Variants in KIAA1671 observed in about 807,000 individuals in gnomAD.
KIAA1671 encodes the protein KIAA1671, also known as uncharacterized protein KIAA1671.
In KIAA1671, 52 loss-of-function variants were observed where a neutral mutation model predicts 131.2. That is an observed-to-expected ratio of 0.40 (90% confidence interval 0.32 to 0.50). The LOEUF is 0.50. KIAA1671 is among the 20% of genes least tolerant of loss of function. The pLI, the probability that KIAA1671 is intolerant of heterozygous loss-of-function variation, is 0.73. For missense variants in KIAA1671, 2,360 were observed against 2,364.2 expected (o/e 1.00, Z 0.04); for synonymous variants, 1,003 against 961.6 (o/e 1.04, Z -0.80).
intron 6 of KIAA1671, among the ~76,000 whole-genome samples, chr22:25,119,581 T>C (rs1931839143): frequency 6.6e-6 from 1 of 152,122 alleles, no homozygotes; most frequent in Non-Finnish European, 1.5e-5. Context: ...AGTAAACCAA[T>C]GAATGAACAA....
chr22:25,093,744 C>CTCTCTCTCTCTGTCTCTCTCTCTT (rs1930177633), intron 6 of KIAA1671, among the ~76,000 whole-genome samples: 2 of 104,962 alleles, frequency 1.9e-5, no homozygotes, highest in African/African-American at 8.2e-5. Flanking sequence ...CACACTCTCT[C>CTCTCTCTCTCTGTCTCTCTCTCTT]TCTCTCTCTC....
intron 6 of KIAA1671, among the ~76,000 whole-genome samples, chr22:25,103,368 A>G (rs5752060): frequency 0.78 from 117,744 of 151,654 alleles, 46,605 homozygotes; most frequent in African/African-American, 0.94. Flanking sequence ...GCACCACCGC[A>G]CCCGGCTAAA....
At chr22:25,114,538 C>A (rs948621281) in intron 6 of KIAA1671, among the ~76,000 whole-genome samples, 1 of 152,210 alleles carries the variant, frequency 6.6e-6, no homozygotes, top group Admixed American at 6.5e-5. Context: ...CTGGCTCTGC[C>A]GCTTCCCAGC....
At chr22:25,095,985 G>A (rs902350962) in intron 6 of KIAA1671, among the ~76,000 whole-genome samples, 1 of 152,202 alleles carries the variant, frequency 6.6e-6, no homozygotes, top group Non-Finnish European at 1.5e-5. Context: ...GGGATCAGAC[G>A]GAGAGGGAGG....
intron 1 of KIAA1671, among the ~76,000 whole-genome samples, chr22:24,974,129 A>C (rs1254278355): frequency 6.6e-6 from 1 of 152,036 alleles, no homozygotes; most frequent in Admixed American, 6.6e-5. Context: ...AGGATTTATC[A>C]GCCGGACTTG....
intron 11 of KIAA1671, among the ~76,000 whole-genome samples, chr22:25,187,391 C>T (rs976309676): frequency 3.9e-5 from 6 of 152,284 alleles, no homozygotes; most frequent in East Asian, 3.9e-4. Flanking sequence ...GCTGAGATCA[C>T]GACGTTTGCG....
At chr22:25,044,013 G>GGTGAATC (rs147837042) in intron 5 of KIAA1671, among the ~76,000 whole-genome samples, 1 of 152,018 alleles carries the variant, frequency 6.6e-6, no homozygotes, top group Admixed American at 6.5e-5. Context: ...GATACAGTCA[G>GGTGAATC]TAATGATCAT....
At chr22:25,170,694 G>C in intron 6 of KIAA1671, 126 bp from the exon 7 acceptor site, 1 of 859,848 alleles carries the variant, frequency 1.2e-6, no homozygotes, top group South Asian at 1.6e-5. Flanking sequence ...GCCCCACTTA[G>C]GAAGGCAGCG....
intron 6 of KIAA1671, among the ~76,000 whole-genome samples, chr22:25,094,531 G>A (rs1200037953): frequency 6.6e-6 from 1 of 152,116 alleles, no homozygotes; most frequent in Admixed American, 6.5e-5. Context: ...ACTTGAAGAA[G>A]GAGCAGAATG....
At chr22:25,101,753 G>A (rs1167025656) in intron 6 of KIAA1671, among the ~76,000 whole-genome samples, 1 of 152,174 alleles carries the variant, frequency 6.6e-6, no homozygotes, top group African/African-American at 2.4e-5. Context: ...AAGCCTCAGT[G>A]ATTCCTTCAT....
chr22:25,028,677 C>T lies in KIAA1671; in HGVS notation c.678C>T (p.Asp226=), dbSNP rs1195217393. The T allele has an allele frequency of 1.3e-6, 2 of 1,551,046 alleles. No homozygotes were observed. The highest frequency in any genetic ancestry group is 1.7e-6 in the Non-Finnish European group (2 of 1,147,010). The change falls in exon 3 of 13, where the codon GAC becomes GAT. Residue 226 remains aspartate, a synonymous_variant. Coordinates refer to ENST00000358431, the MANE Select transcript of KIAA1671 (RefSeq NM_001145206.2). The stretch of plus-strand genomic sequence containing the variant: ...CCTCAAAGGCCAGCAGTGTGGAGGA[C>T]ACGGCACGCCCCCTTGTGGAGCCCA... ...HPPSKASSVE[D]TARPLVEPRP... is the part of the protein sequence containing the mutation.
At position 25,113,987 on chromosome 22, in the gene KIAA1671, C is replaced by T. The variant is rs1044165704; in HGVS notation, c.4531-56833C>T. Among the ~76,000 whole-genome samples, 9 of 152,322 alleles carry T rather than the reference C, an allele frequency of 5.9e-5. No homozygotes were observed. In the South Asian group the frequency reaches 8.3e-4, roughly 14 times the overall value. ...CTGTTGGCATCCCTCTTTCCCCACC[C>T]TGGGGAGTGGTGTGACCATGGGCAT... On this transcript the variant is annotated intron_variant, in intron 6 of 12. Coordinates refer to ENST00000358431, the MANE Select transcript of KIAA1671 (RefSeq NM_001145206.2).
At chr22:24,989,879 G>C (rs1923748462) in intron 1 of KIAA1671, among the ~76,000 whole-genome samples, 1 of 152,146 alleles carries the variant, frequency 6.6e-6, no homozygotes, top group South Asian at 2.1e-4. Context: ...ACAAAAAAAG[G>C]CTGTCCTCTT....
At chr22:24,984,308 C>T (rs1923398147) in intron 1 of KIAA1671, among the ~76,000 whole-genome samples, 1 of 152,134 alleles carries the variant, frequency 6.6e-6, no homozygotes, top group Non-Finnish European at 1.5e-5. Context: ...AATGCAGGCC[C>T]AGAGAGGTTA....
intron 1 of KIAA1671, among the ~76,000 whole-genome samples, chr22:25,007,001 G>C (rs764207051): frequency 6.7e-6 from 1 of 149,698 alleles, no homozygotes; most frequent in Non-Finnish European, 1.5e-5. Context: ...GCATTATTCT[G>C]TCTACTGAAA....
chr22:25,126,185 T>C (rs1048096776), intron 6 of KIAA1671, among the ~76,000 whole-genome samples: 4 of 152,214 alleles, frequency 2.6e-5, no homozygotes, highest in Non-Finnish European at 4.4e-5. Flanking sequence ...CCTGGCTCCA[T>C]GTCCAAATAT....
At position 25,035,939 on chromosome 22, in the gene KIAA1671, C is replaced by T. The variant is rs939896798; in HGVS notation, c.1630-2821C>T. On this transcript the variant is annotated intron_variant, in intron 4 of 12. Transcript: ENST00000358431. Reference sequence around the variant, plus strand: ...ACACATAACAGGCTGGATGTGGTGGCTCATGCCTATAATCCCAGAACTTTA... The same window carrying T: ...ACACATAACAGGCTGGATGTGGTGGTTCATGCCTATAATCCCAGAACTTTA... Among the ~76,000 whole-genome samples the T allele has an allele frequency of 3.9e-4, 59 of 152,092 alleles. No homozygotes were observed. In the Middle Eastern group the frequency reaches 0.01, roughly 26 times the overall value.
intron 6 of KIAA1671, among the ~76,000 whole-genome samples, chr22:25,167,864 G>A (rs1351915055): frequency 6.6e-6 from 1 of 152,206 alleles, no homozygotes; most frequent in Non-Finnish European, 1.5e-5. Flanking sequence ...TGGAAAGGAG[G>A]TGACCATTTA....
At chr22:24,962,439 G>A (rs901591961) in intron 1 of KIAA1671, among the ~76,000 whole-genome samples, 10 of 152,096 alleles carry the variant, frequency 6.6e-5, no homozygotes, top group African/African-American at 2.4e-4. Context: ...GAGGAATTCC[G>A]CCACCCATTC....
Sources: allele counts gnomAD v4.1 joint callset (sites outside exome capture counted in the v4.1 genomes callset), GRCh38; gene constraint gnomAD v4.1.1; transcripts MANE v1.5; gene names NCBI Gene and HGNC (gene_info 2026-07-23, HGNC 2026-07-21).